The following TRHDE variants were observed in gnomAD, a reference collection of about 807,000 sequenced individuals.
TRHDE encodes thyrotropin releasing hormone degrading enzyme.
Under a neutral mutation model 125.7 loss-of-function variants are expected in TRHDE, and 72 were observed. The observed-to-expected ratio is 0.57, with a 90% confidence interval of 0.47 to 0.70. The LOEUF (loss-of-function observed/expected upper bound fraction) is 0.70. Among genes scored for constraint, TRHDE ranks in the 30% least tolerant of loss-of-function variants. The pLI, the probability that TRHDE is intolerant of heterozygous loss-of-function variation, is 0.00. For synonymous variants in TRHDE, 509 were observed against 509.1 expected (o/e 1.00, Z 0.00); for missense variants, 1,110 against 1,327.1 (o/e 0.84, Z 2.54).
At chr12:72,438,349 C>T (rs1273623662) in intron 3 of TRHDE, among the ~76,000 whole-genome samples, 1 of 151,748 alleles carries the variant, frequency 6.6e-6, no homozygotes, top group Non-Finnish European at 1.5e-5. Context: ...TGAGGAACCT[C>T]CATACTGTTT....
At chr12:72,103,780 A>G (rs1275610251) in intron 1 of TRHDE, among the ~76,000 whole-genome samples, 3 of 152,194 alleles carry the variant, frequency 2.0e-5, no homozygotes, top group Non-Finnish European at 4.4e-5. Context: ...AATACAGAAA[A>G]TACTGACAGG....
chr12:72,285,059 T>C (rs1879830917), intron 1 of TRHDE, among the ~76,000 whole-genome samples: 1 of 152,350 alleles, frequency 6.6e-6, no homozygotes, highest in African/African-American at 2.4e-5. Context: ...TAAAATGTTT[T>C]ATTTTTCTCT....
Position 72,505,064 on chromosome 12 carries a change from A to T in TRHDE, c.1722+5429A>T, listed in dbSNP as rs985118186. On this transcript the variant is annotated intron_variant, in intron 6 of 18. Transcript: ENST00000261180. Reference sequence around the variant, plus strand: ...ATGTATTATAACGGGACAGAAGATTATAAAAAAATAAAGGTTAGGAACCAA... The same window carrying T: ...ATGTATTATAACGGGACAGAAGATTTTAAAAAAATAAAGGTTAGGAACCAA... Among the ~76,000 whole-genome samples the T allele has an allele frequency of 3.3e-4, 50 of 152,326 alleles. 1 individual carries two copies. The highest frequency in any genetic ancestry group is 1.1e-3 in the African/African-American group (46 of 41,580).
At chr12:72,491,998 GT>G (rs1318715300) in intron 5 of TRHDE, among the ~76,000 whole-genome samples, 1 of 151,878 alleles carries the variant, frequency 6.6e-6, no homozygotes, top group African/African-American at 2.4e-5. Flanking sequence ...TAGAATGCTT[GT>G]TTCATTGTAG....
chr12:72,576,537 T>C (rs906934800), intron 12 of TRHDE, among the ~76,000 whole-genome samples: 3 of 152,116 alleles, frequency 2.0e-5, no homozygotes, highest in Admixed American at 6.6e-5. Flanking sequence ...ATTACTTTGA[T>C]AGAAGCAAAG....
At chr12:72,138,715 G>A (rs977726322) in intron 2 of TRHDE, among the ~76,000 whole-genome samples, 2 of 152,182 alleles carry the variant, frequency 1.3e-5, no homozygotes, top group Non-Finnish European at 2.9e-5. Context: ...CTGAGGAGTC[G>A]TGACCATATT....
In TRHDE at chr12:72,667,821, GA is replaced by G. The variant is rs1453234800; in HGVS notation, c.*4627del. On this transcript the variant is annotated 3_prime_UTR_variant, in exon 19 of 19. Coordinates refer to ENST00000261180, the MANE Select transcript of TRHDE (RefSeq NM_013381.3). ...CTCTAATAATTGGAATATAAATTGG[GA>G]TGGAATTTATCCTTAAGAAAAGCTG... The G allele has an allele frequency of 6.6e-6, 1 of 151,620 alleles. No homozygotes were observed. The highest frequency in any genetic ancestry group is 1.5e-5 in the Non-Finnish European group (1 of 67,732). 9.4% of individuals were successfully genotyped at this position (151,620 alleles called of 1,614,324 possible).
intron 2 of TRHDE, chr12:72,255,944 C>G (rs1273415626): frequency 1.3e-5 from 2 of 152,196 alleles, no homozygotes; most frequent in Non-Finnish European, 2.9e-5. Flanking sequence ...ACTCTTACCA[C>G]TTCTCACCAC....
chr12:72,129,342 G>C lies in TRHDE; in HGVS notation n.279+23590G>C, dbSNP rs566427752. On this transcript the variant is annotated intron_variant and non_coding_transcript_variant, in intron 2 of 4. Transcript: ENST00000548156. ...AAAGAAACAAAGAATATTGGAAGTG[G>C]TAAAATGGGTAAAAATGAGTTTTTC... Among the ~76,000 whole-genome samples, 647 of 152,294 alleles carry C rather than the reference G, an allele frequency of 4.2e-3. 1 individual carries two copies. The highest frequency in any genetic ancestry group is 0.015 in the African/African-American group (625 of 41,574).
chr12:72,444,408 T>G (rs1328667920), intron 3 of TRHDE, among the ~76,000 whole-genome samples: 1 of 151,862 alleles, frequency 6.6e-6, no homozygotes, highest in Non-Finnish European at 1.5e-5. Context: ...AATGGTTTTA[T>G]CTGATATTTC....
At chr12:72,099,120 C>T (rs1283225256) in intron 1 of TRHDE, among the ~76,000 whole-genome samples, 5 of 151,444 alleles carry the variant, frequency 3.3e-5, no homozygotes, top group Admixed American at 3.3e-4. Context: ...AGCCAGATCA[C>T]GCCACTGCAC....
chr12:72,619,473 G>A (rs1872957088), intron 13 of TRHDE, among the ~76,000 whole-genome samples: 1 of 152,034 alleles, frequency 6.6e-6, no homozygotes, highest in Non-Finnish European at 1.5e-5. Flanking sequence ...AATTAACAAG[G>A]ATAAGATCAA....
rs1253207717 is a variant in TRHDE at position 72,657,016 on chromosome 12, T to A, written c.3066+8T>A. 6.6e-7 allele frequency: 1 copy of A among 1,519,290 alleles called. No individual in the cohort carries two copies. The highest frequency in any genetic ancestry group is 9.1e-7 in the Non-Finnish European group (1 of 1,101,704). The allele number at this position is 1,519,290 out of a possible 1,614,324, so 94.1% of individuals were successfully genotyped here. On this transcript the variant is annotated splice_region_variant and intron_variant, in intron 18 of 18. Coordinates refer to ENST00000261180, the MANE Select transcript of TRHDE (RefSeq NM_013381.3). ...GAAGGTGAACTCAAAGAGGTAAATA[T>A]TTTAAGATGAAGTCTAATTATTTTC...
intron 3 of TRHDE, among the ~76,000 whole-genome samples, chr12:72,407,886 C>T (rs2135810541): frequency 6.6e-6 from 1 of 152,328 alleles, no homozygotes; most frequent in South Asian, 2.1e-4. Context: ...TTGCTACGAA[C>T]ATGACCTTGA....
At chr12:72,559,705 T>C (rs1377044689) in intron 7 of TRHDE, among the ~76,000 whole-genome samples, 3 of 152,224 alleles carry the variant, frequency 2.0e-5, no homozygotes, top group Non-Finnish European at 2.9e-5. Context: ...TTTATACACA[T>C]AAATGTAAAC....
intron 3 of TRHDE, among the ~76,000 whole-genome samples, chr12:72,443,101 T>C (rs1232055944): frequency 3.3e-5 from 5 of 151,802 alleles, no homozygotes; most frequent in African/African-American, 1.2e-4. Context: ...ACTACCACTT[T>C]AGCTTCATTT....
intron 2 of TRHDE, among the ~76,000 whole-genome samples, chr12:72,142,977 G>A (rs1876152065): frequency 1.3e-5 from 2 of 151,926 alleles, no homozygotes; most frequent in African/African-American, 4.8e-5. Context: ...CTGGGATGCT[G>A]GGGAAGAACT....
chr12:72,466,629 T>G (rs1876387922), intron 3 of TRHDE, among the ~76,000 whole-genome samples: 1 of 152,230 alleles, frequency 6.6e-6, no homozygotes, highest in African/African-American at 2.4e-5. Flanking sequence ...GTTCCTCCTC[T>G]TTATGTATTT....
intron 7 of TRHDE, among the ~76,000 whole-genome samples, chr12:72,547,830 C>T (rs1056529798): frequency 1.4e-4 from 21 of 151,936 alleles, no homozygotes; most frequent in African/African-American, 4.6e-4. Flanking sequence ...GTGAGAAATG[C>T]AATAGGCAGG....
Sources: gnomAD v4.1 joint callset for allele counts (sites outside exome capture counted in the v4.1 genomes callset) on GRCh38, gnomAD v4.1.1 for gene constraint, MANE v1.5 for transcripts, NCBI Gene and HGNC (gene_info 2026-07-23, HGNC 2026-07-21) for gene names.